NR6A1: variants seen among roughly 807,000 people sequenced by gnomAD.
NR6A1 encodes retinoic acid receptor-related testis-associated receptor.
In NR6A1, 7 loss-of-function variants were observed where a neutral mutation model predicts 59.1. The ratio of observed to expected loss-of-function variants is 0.12; its 90% CI spans 0.07 to 0.22. The LOEUF is 0.22. Among genes scored for constraint, NR6A1 ranks in the 10% least tolerant of loss-of-function variants. The pLI is 1.00. For missense variants in NR6A1, 468 were observed against 611.6 expected (o/e 0.77, Z 2.48); for synonymous variants, 243 against 236.1 (o/e 1.03, Z -0.27).
intron 2 of NR6A1, among the ~76,000 whole-genome samples, chr9:124,658,942 T>C (rs1837339954): frequency 6.6e-6 from 1 of 152,244 alleles, no homozygotes; most frequent in South Asian, 2.1e-4. Flanking sequence ...GAGAGAGTTA[T>C]GAAGTCAGTT....
chr9:124,553,177 C>T (rs1833824598), intron 3 of NR6A1, among the ~76,000 whole-genome samples: 1 of 152,158 alleles, frequency 6.6e-6, no homozygotes, highest in Non-Finnish European at 1.5e-5. Context: ...AGTCTGTTTG[C>T]CTCTAGAGCC....
At chr9:124,550,106 T>A (rs1833726328) in intron 3 of NR6A1, among the ~76,000 whole-genome samples, 1 of 152,186 alleles carries the variant, frequency 6.6e-6, no homozygotes, top group African/African-American at 2.4e-5. Flanking sequence ...TACCTCTCTG[T>A]GTGTGTATAT....
chr9:124,531,948 C>G (rs984032511), intron 7 of NR6A1, among the ~76,000 whole-genome samples: 4 of 152,210 alleles, frequency 2.6e-5, no homozygotes, highest in African/African-American at 9.6e-5. Flanking sequence ...CCACCATGCT[C>G]CGGTCTTGTC....
chr9:124,616,177 C>T (rs1835884587), intron 2 of NR6A1, among the ~76,000 whole-genome samples: 2 of 151,850 alleles, frequency 1.3e-5, no homozygotes, highest in African/African-American at 2.4e-5. Context: ...GTGAGCAGAT[C>T]ACCTGAGGCC....
Position 124,584,296 on chromosome 9 carries a change from C to T in NR6A1, c.143-29726G>A, listed in dbSNP as rs534410072. 5.3e-4 allele frequency among the ~76,000 whole-genome samples: 81 copies of T among 152,118 alleles called. 1 individual carries two copies. In the South Asian group the frequency reaches 0.014, roughly 27 times the overall value. On this transcript the variant is annotated intron_variant, in intron 2 of 9. Coordinates refer to ENST00000487099, the MANE Select transcript of NR6A1 (RefSeq NM_033334.4). ...CTAATTTTTGAATTTTTAGTAGAGA[C>T]GAGGTTTCACCTTGTTGGCAGGATG...
intron 2 of NR6A1, among the ~76,000 whole-genome samples, chr9:124,610,941 G>A (rs546717530): frequency 6.6e-6 from 1 of 152,216 alleles, no homozygotes; most frequent in African/African-American, 2.4e-5. Context: ...GAGCGGAGAG[G>A]TGCTTTTGAC....
chr9:124,615,369 G>A lies in NR6A1; in HGVS notation c.143-60799C>T, dbSNP rs79039454. Among the ~76,000 whole-genome samples, 21 of 152,226 alleles carry A rather than the reference G, an allele frequency of 1.4e-4. 1 individual carries two copies. The East Asian group carries it at 4.0e-3, about 29-fold the overall frequency. On this transcript the variant is annotated intron_variant, in intron 2 of 9. Transcript: ENST00000487099. ...AGGCACATATAGTTGGGGTTCCAGC[G>A]TGGGCACCAGGTACAAAACTGAGAA... is the stretch of plus-strand genomic sequence containing the variant.
At chr9:124,671,601 G>A (rs1196421314) in intron 2 of NR6A1, among the ~76,000 whole-genome samples, 2 of 152,058 alleles carry the variant, frequency 1.3e-5, no homozygotes, top group African/African-American at 4.8e-5. Flanking sequence ...CCTACTCCTG[G>A]CCTAAAAGTA....
chr9:124,625,039 A>T (rs1836194412), intron 2 of NR6A1, among the ~76,000 whole-genome samples: 2 of 151,788 alleles, frequency 1.3e-5, no homozygotes, highest in Admixed American at 1.3e-4. Flanking sequence ...GAGCAGTATG[A>T]TAGTAGTTAT....
intron 2 of NR6A1, among the ~76,000 whole-genome samples, chr9:124,645,767 G>T (rs889850307): frequency 6.6e-6 from 1 of 152,130 alleles, no homozygotes; most frequent in African/African-American, 2.4e-5. Context: ...CAATCTTTTG[G>T]ATATAACTGA....
chr9:124,567,131 T>C (rs538700955), intron 2 of NR6A1, among the ~76,000 whole-genome samples: 35 of 150,170 alleles, frequency 2.3e-4, no homozygotes, highest in East Asian at 1.4e-3. Flanking sequence ...TAAATAAAAA[T>C]AAAGAGAGGA....
intron 2 of NR6A1, among the ~76,000 whole-genome samples, chr9:124,720,960 C>T (rs184353827): frequency 1.3e-5 from 2 of 152,104 alleles, no homozygotes; most frequent in Non-Finnish European, 2.9e-5. Context: ...ATTTAAGCAA[C>T]CCCTTTCAGC....
At chr9:124,608,078 A>T (rs982537979) in intron 2 of NR6A1, among the ~76,000 whole-genome samples, 1 of 152,192 alleles carries the variant, frequency 6.6e-6, no homozygotes, top group Middle Eastern at 3.2e-3. Context: ...AAATAAAAAA[A>T]ATAATTTCGT....
chr9:124,627,909 T>TTTC (rs1836295941), intron 2 of NR6A1, among the ~76,000 whole-genome samples: 1 of 92,640 alleles, frequency 1.1e-5, no homozygotes, highest in Non-Finnish European at 2.2e-5. Context: ...TTTTTTTTTT[T>TTTC]TCAAAACAAA....
chr9:124,669,422 A>C (rs1462054266), intron 2 of NR6A1, among the ~76,000 whole-genome samples: 2 of 152,230 alleles, frequency 1.3e-5, no homozygotes, highest in Non-Finnish European at 2.9e-5. Flanking sequence ...TTTATATATA[A>C]GAGACTCAAA....
At chr9:124,547,141 G>A (rs1726662386) in intron 3 of NR6A1, among the ~76,000 whole-genome samples, 1 of 152,268 alleles carries the variant, frequency 6.6e-6, no homozygotes, top group South Asian at 2.1e-4. Flanking sequence ...CTAAGAAAGA[G>A]AATGGCCCTA....
chr9:124,597,703 T>C (rs568380869), intron 2 of NR6A1, among the ~76,000 whole-genome samples: 1 of 152,346 alleles, frequency 6.6e-6, no homozygotes, highest in Admixed American at 6.5e-5. Context: ...GTTTCATCTT[T>C]GGATATAGAG....
At chr9:124,628,623 G>A (rs1169173696) in intron 2 of NR6A1, among the ~76,000 whole-genome samples, 2 of 151,110 alleles carry the variant, frequency 1.3e-5, no homozygotes, top group Non-Finnish European at 2.9e-5. Context: ...TTACAGGCAT[G>A]AGCCACCACG....
chr9:124,540,896 T>C (rs555877100), intron 4 of NR6A1, among the ~76,000 whole-genome samples: 82 of 152,306 alleles, frequency 5.4e-4, no homozygotes, highest in African/African-American at 1.9e-3. Flanking sequence ...CTTCAACAAA[T>C]AGTGCTGGGA....
Sources: gnomAD v4.1 joint callset for allele counts (sites outside exome capture counted in the v4.1 genomes callset) on GRCh38, gnomAD v4.1.1 for gene constraint, MANE v1.5 for transcripts, NCBI Gene and HGNC (gene_info 2026-07-23, HGNC 2026-07-21) for gene names.